ERC2: variants seen among roughly 807,000 people sequenced by gnomAD.
ERC2 encodes ERC protein 2.
Under a neutral mutation model 114.8 loss-of-function variants are expected in ERC2, and 42 were observed. That is an observed-to-expected ratio of 0.37 (90% CI 0.29 to 0.47). The LOEUF is 0.47. Among genes scored for constraint, ERC2 ranks in the 20% least tolerant of loss-of-function variants. ERC2 has a pLI of 0.99. For missense variants in ERC2, 939 were observed against 1,150.7 expected (o/e 0.82, Z 2.66); for synonymous variants, 454 against 425.5 (o/e 1.07, Z -0.82).
chr3:55,920,448 C>A (rs1371138249), intron 13 of ERC2, among the ~76,000 whole-genome samples: 1 of 71,580 alleles, frequency 1.4e-5, no homozygotes, highest in South Asian at 4.6e-4. Context: ...ACACACACAC[C>A]CCAAGTGAGA....
At chr3:55,538,830 T>C (rs1357486844) in intron 17 of ERC2, among the ~76,000 whole-genome samples, 2 of 152,208 alleles carry the variant, frequency 1.3e-5, no homozygotes, top group African/African-American at 4.8e-5. Context: ...TAACCGCCTA[T>C]TAATATTTTG....
chr3:55,532,592 T>C (rs953075719), intron 17 of ERC2, among the ~76,000 whole-genome samples: 3 of 152,206 alleles, frequency 2.0e-5, no homozygotes, highest in African/African-American at 7.2e-5. Context: ...CAAGTCCCTT[T>C]TCAATACATA....
At chr3:56,208,617 G>A (rs912333046) in intron 3 of ERC2, among the ~76,000 whole-genome samples, 3 of 152,218 alleles carry the variant, frequency 2.0e-5, no homozygotes, top group Non-Finnish European at 4.4e-5. Flanking sequence ...GGACATTTGT[G>A]CTGCTCTTCA....
At chr3:56,107,019 G>A (rs567848452) in intron 6 of ERC2, among the ~76,000 whole-genome samples, 9 of 152,102 alleles carry the variant, frequency 5.9e-5, no homozygotes, top group Admixed American at 1.3e-4. Flanking sequence ...CATTCAATAC[G>A]GAAACATGTT....
intron 3 of ERC2, among the ~76,000 whole-genome samples, chr3:56,288,740 G>A (rs781712939): frequency 5.3e-5 from 8 of 152,204 alleles, no homozygotes; most frequent in Non-Finnish European, 1.0e-4. Context: ...CATCCATCCT[G>A]CATGGAGTAC....
chr3:56,313,610 A>G (rs923524001), intron 2 of ERC2, among the ~76,000 whole-genome samples: 2 of 152,220 alleles, frequency 1.3e-5, no homozygotes, highest in Admixed American at 6.5e-5. Context: ...AACAAGACCC[A>G]AGAAAAGAAG....
intron 3 of ERC2, among the ~76,000 whole-genome samples, chr3:56,235,032 G>A (rs1300861977): frequency 3.3e-5 from 5 of 152,142 alleles, no homozygotes; most frequent in African/African-American, 9.7e-5. Context: ...TTTCCCTATA[G>A]CCTTGAAACA....
In ERC2 at chr3:55,992,260, T is replaced by C; in HGVS notation, c.2062-10A>G. ...CTTCAATATTATGTGCCTTCAACATTACATTTTTAAAGAATGTAGTTAAGA... is the reference window on the plus strand; with the variant it reads ...CTTCAATATTATGTGCCTTCAACATCACATTTTTAAAGAATGTAGTTAAGA... On this transcript the variant is annotated splice_polypyrimidine_tract_variant and intron_variant, in intron 10 of 17. Transcript: ENST00000288221. 1 of 1,607,630 alleles carries C rather than the reference T, an allele frequency of 6.2e-7. No individual in the cohort carries two copies. The highest frequency in any genetic ancestry group is 8.5e-7 in the Non-Finnish European group (1 of 1,176,378).
intron 6 of ERC2, among the ~76,000 whole-genome samples, chr3:56,121,500 C>T (rs931817486): frequency 2.2e-4 from 33 of 152,142 alleles, no homozygotes; most frequent in African/African-American, 7.0e-4. Context: ...TATGAGTATC[C>T]TTATGACTTA....
In ERC2 at chr3:56,081,628, T is replaced by TA. The variant is rs887031843; in HGVS notation, c.1474-645dup. 2.2e-4 allele frequency among the ~76,000 whole-genome samples: 33 copies of TA among 151,364 alleles called. 1 individual carries two copies. The highest frequency in any genetic ancestry group is 2.0e-3 in the Admixed American group (30 of 15,200). On this transcript the variant is annotated intron_variant, in intron 6 of 17. Coordinates refer to ENST00000288221, the MANE Select transcript of ERC2 (RefSeq NM_015576.3). ...CTCCTTGTAACTCAGCTCTAAAATT[T>TA]AAAAAAAATATAATTCCTGCTTTCA... is the stretch of plus-strand genomic sequence containing the variant.
At chr3:56,333,791 A>G (rs143013634) in intron 2 of ERC2, among the ~76,000 whole-genome samples, 189 of 152,306 alleles carry the variant, frequency 1.2e-3, no homozygotes, top group African/African-American at 4.2e-3. Context: ...TGCAATATCT[A>G]TAATAGTCAA....
intron 10 of ERC2, among the ~76,000 whole-genome samples, chr3:55,999,136 T>C (rs1236703375): frequency 6.6e-6 from 1 of 152,174 alleles, no homozygotes; most frequent in Non-Finnish European, 1.5e-5. Context: ...TATTTGAGAC[T>C]GATGAAACAC....
At chr3:55,919,830 A>G (rs138469568) in intron 13 of ERC2, among the ~76,000 whole-genome samples, 3 of 152,290 alleles carry the variant, frequency 2.0e-5, no homozygotes, top group Non-Finnish European at 4.4e-5. Context: ...CATTTTAGGC[A>G]AAGGGAATTG....
At chr3:56,171,208 C>A (rs771256679) in intron 4 of ERC2, among the ~76,000 whole-genome samples, 10 of 152,174 alleles carry the variant, frequency 6.6e-5, no homozygotes, top group Non-Finnish European at 1.3e-4. Context: ...AAAGCCTGTA[C>A]AATATGAGCT....
At position 56,077,431 on chromosome 3, in the gene ERC2, A is replaced by C. The variant is rs552987780; in HGVS notation, c.1641+3386T>G. 3.9e-5 allele frequency among the ~76,000 whole-genome samples: 6 copies of C among 152,352 alleles called. No individual in the cohort carries two copies. In the East Asian group the frequency reaches 1.2e-3, roughly 29 times the overall value. On this transcript the variant is annotated intron_variant, in intron 7 of 17. Transcript: ENST00000288221. ...GTGATATCATAATCATGTTGCCGAA[A>C]GGAGCCATAATATACAACTGGTTTT...
chr3:56,413,574 A>C (rs1163594300), intron 2 of ERC2, among the ~76,000 whole-genome samples: 1 of 152,204 alleles, frequency 6.6e-6, no homozygotes, highest in Non-Finnish European at 1.5e-5. Context: ...CTCTAAGTGC[A>C]TAGTCCCCTT....
At chr3:55,775,896 G>A (rs1322142683) in intron 14 of ERC2, among the ~76,000 whole-genome samples, 1 of 152,120 alleles carries the variant, frequency 6.6e-6, no homozygotes, top group African/African-American at 2.4e-5. Context: ...GCTTCCCCAG[G>A]GGCAGTCTGT....
At chr3:55,923,683 T>G (rs902266702) in intron 13 of ERC2, among the ~76,000 whole-genome samples, 1 of 152,202 alleles carries the variant, frequency 6.6e-6, no homozygotes, top group African/African-American at 2.4e-5. Flanking sequence ...CTCCTCTTAG[T>G]GACCTCAGAT....
At chr3:55,572,401 A>G (rs2056763050) in intron 17 of ERC2, among the ~76,000 whole-genome samples, 1 of 152,182 alleles carries the variant, frequency 6.6e-6, no homozygotes, top group Non-Finnish European at 1.5e-5. Context: ...CTCAATCCTC[A>G]ATATCATCTC....
Sources: gnomAD v4.1 joint callset for allele counts (sites outside exome capture counted in the v4.1 genomes callset) on GRCh38, gnomAD v4.1.1 for gene constraint, MANE v1.5 for transcripts, NCBI Gene and HGNC (gene_info 2026-07-23, HGNC 2026-07-21) for gene names.